Variants in TM9SF2 observed in about 807,000 individuals in gnomAD.
The protein encoded by TM9SF2 is transmembrane 9 superfamily member 2, also known as 76 kDa membrane protein.
TM9SF2 carries 13 observed loss-of-function variants against 84.9 expected under a neutral mutation model. The observed-to-expected ratio is 0.15, with a 90% CI of 0.10 to 0.24. TM9SF2 has a LOEUF of 0.24. Among genes scored for constraint, TM9SF2 ranks in the 10% least tolerant of loss-of-function variants. The probability of loss-of-function intolerance (pLI) is 1.00; values close to 1 mark genes in which losing one functional copy is unlikely to be tolerated. For missense variants in TM9SF2, 562 were observed against 818.5 expected (o/e 0.69, Z 3.82); for synonymous variants, 273 against 285.8 (o/e 0.96, Z 0.45).
At chr13:99,540,546 C>A in intron 7 of TM9SF2, 168 bp from the exon 8 acceptor site, 5 of 281,568 alleles carry the variant, frequency 1.8e-5, no homozygotes, top group South Asian at 7.5e-5. Context: ...TTCCCCTAGA[C>A]TTTAGTAAAT....
chr13:99,553,379 T>G (rs2046313550), intron 13 of TM9SF2, among the ~76,000 whole-genome samples: 1 of 152,220 alleles, frequency 6.6e-6, no homozygotes, highest in Non-Finnish European at 1.5e-5. Flanking sequence ...ATTTATGACT[T>G]TATACCTCAG....
At chr13:99,548,443 A>G (rs936706593) in intron 11 of TM9SF2, among the ~76,000 whole-genome samples, 4 of 152,174 alleles carry the variant, frequency 2.6e-5, no homozygotes, top group Non-Finnish European at 5.9e-5. Context: ...CCTATCAACT[A>G]TGTTAAAACT....
chr13:99,551,144 G>A (rs1483695823), intron 12 of TM9SF2, among the ~76,000 whole-genome samples: 1 of 152,202 alleles, frequency 6.6e-6, no homozygotes, highest in Non-Finnish European at 1.5e-5. Context: ...TCTATTCACA[G>A]AAAACCCATA....
At chr13:99,535,795 C>T (rs941536127) in intron 4 of TM9SF2, among the ~76,000 whole-genome samples, 1 of 151,960 alleles carries the variant, frequency 6.6e-6, no homozygotes, top group African/African-American at 2.4e-5. Flanking sequence ...TTATTTGTAT[C>T]CCGCAGTGTA....
chr13:99,553,006 C>G (rs2046312185), intron 13 of TM9SF2, among the ~76,000 whole-genome samples: 7 of 152,160 alleles, frequency 4.6e-5, no homozygotes, highest in Admixed American at 3.3e-4. Context: ...TATCTGCTTC[C>G]CTGCTAATAT....
chr13:99,526,186 T>C (rs1280648096), intron 3 of TM9SF2, among the ~76,000 whole-genome samples: 2 of 152,196 alleles, frequency 1.3e-5, no homozygotes, highest in Non-Finnish European at 2.9e-5. Flanking sequence ...GGAGAGCTAA[T>C]AGAGCAGGAG....
intron 3 of TM9SF2, among the ~76,000 whole-genome samples, chr13:99,522,573 G>C (rs949428592): frequency 6.6e-6 from 1 of 152,160 alleles, no homozygotes; most frequent in Non-Finnish European, 1.5e-5. Context: ...CTGTTTTCAG[G>C]CATGCTTTTT....
intron 3 of TM9SF2, among the ~76,000 whole-genome samples, chr13:99,522,780 G>T (rs1303423609): frequency 6.6e-6 from 1 of 152,186 alleles, no homozygotes; most frequent in Admixed American, 6.5e-5. Context: ...GCCCTTTGGG[G>T]CAGACTTTGA....
In TM9SF2 at chr13:99,537,922, A is replaced by G. The variant is rs944056748; in HGVS notation, c.716+59A>G. 8 of 1,544,604 alleles carry G rather than the reference A, an allele frequency of 5.2e-6. No individual in the cohort carries two copies. In the African/African-American group the frequency reaches 1.1e-4, roughly 22 times the overall value. ...TAAGTGAAATTTAGACCCAAAGAATAAGTATTTGGGGCTCAATTACTCCTT... is the reference window on the plus strand; with the variant it reads ...TAAGTGAAATTTAGACCCAAAGAATGAGTATTTGGGGCTCAATTACTCCTT... On this transcript the variant is annotated intron_variant, in intron 6 of 16. Transcript: ENST00000376387.
Position 99,552,203 on chromosome 13 carries a change from C to A in TM9SF2, c.1365C>A (p.Ile455=), listed in dbSNP as rs764429196. 2 of 1,614,110 alleles carry A rather than the reference C, an allele frequency of 1.2e-6. No individual in the cohort carries two copies. The highest frequency in any genetic ancestry group is 1.7e-6 in the Non-Finnish European group (2 of 1,180,004). Residue 455 remains isoleucine (I), a synonymous_variant, in exon 13 of 17, where the codon ATC becomes ATA. Coordinates refer to ENST00000376387, the MANE Select transcript of TM9SF2 (RefSeq NM_004800.3). ...CTGACTTCTTTATAATGAATCTGAT[C>A]CTCTGGGGAGAAGGATCTTCAGCAG... ...VFADFFIMNL[I]LWGEGSSAAI...
At chr13:99,526,436 C>T (rs1332646968) in intron 3 of TM9SF2, among the ~76,000 whole-genome samples, 2 of 152,158 alleles carry the variant, frequency 1.3e-5, no homozygotes. Flanking sequence ...GGAGTTTGAG[C>T]TTGCACAGGG....
intron 1 of TM9SF2, among the ~76,000 whole-genome samples, chr13:99,513,942 A>AG (rs2046123868): frequency 6.6e-6 from 1 of 152,212 alleles, no homozygotes; most frequent in Non-Finnish European, 1.5e-5. Flanking sequence ...CTTTACAGGA[A>AG]AAGTTTGCCA....
At chr13:99,537,523 T>A (rs1460650615) in intron 5 of TM9SF2, among the ~76,000 whole-genome samples, 1 of 152,196 alleles carries the variant, frequency 6.6e-6, no homozygotes, top group Non-Finnish European at 1.5e-5. Context: ...ACTTATTAGA[T>A]TTTATGTAAA....
chr13:99,536,696 A>G lies in TM9SF2; in HGVS notation c.550A>G (p.Ile184Val), dbSNP rs767019800. The G allele has an allele frequency of 6.2e-6, 10 of 1,613,696 alleles. No homozygotes were observed. Among genetic ancestry groups the G allele is most frequent in the Admixed American group, 5.0e-5 (3 of 59,996 alleles). Residue 184 changes from isoleucine (I) to valine (V), a missense_variant, in exon 5 of 17, where the codon ATT becomes GTT. Around this residue, in one of 4 missense-constraint regions of TM9SF2, gnomAD observed 267 missense variants for 316.7 expected, o/e 0.84. Transcript: ENST00000376387. ...TCCTGGATTTCCTATTGGCTGTTAC[A>G]TTACAGATAAAGGCCATGCAAAAGA... ...CNPGFPIGCYITDKGHAKDAC... is the reference protein window; with the variant it reads ...CNPGFPIGCYVTDKGHAKDAC...
intron 3 of TM9SF2, among the ~76,000 whole-genome samples, chr13:99,524,217 G>T (rs79622763): frequency 2.0e-5 from 3 of 152,156 alleles, no homozygotes; most frequent in East Asian, 3.8e-4. Flanking sequence ...AGAATGGACC[G>T]TGGGGGTGCG....
chr13:99,552,493 A>G (rs1283390593), intron 13 of TM9SF2, among the ~76,000 whole-genome samples, 167 bp downstream of exon 13: 1 of 152,212 alleles, frequency 6.6e-6, no homozygotes, highest in African/African-American at 2.4e-5. Context: ...AGCGTGGTAG[A>G]GAGGTTACAG....
At chr13:99,537,680 A>C in intron 5 of TM9SF2, 59 bp from the exon 6 acceptor site, 1 of 1,415,146 alleles carries the variant, frequency 7.1e-7, no homozygotes. Context: ...TTAAAGTTTT[A>C]AGTTTTGACT....
chr13:99,540,751 A>G lies in TM9SF2; in HGVS notation c.866A>G (p.Tyr289Cys). The G allele has an allele frequency of 1.2e-6, 2 of 1,613,840 alleles. No individual in the cohort carries two copies. The highest frequency in any genetic ancestry group is 1.7e-6 in the Non-Finnish European group (2 of 1,179,890). ...ATCAGATGGGCGTCTAGATGGGACT[A>G]TATTCTGGAGTCTATGCCTCATACC... ...DKIRWASRWD[Y>C]ILESMPHTHI... Residue 289 changes from tyrosine (Y) to cysteine (C), a missense_variant, in exon 8 of 17, where the codon TAT (tyrosine) becomes TGT (cysteine). By Grantham distance (194) the Tyr-to-Cys change is radical. Transcript: ENST00000376387.
chr13:99,556,108 TG>T (rs1004192766), intron 15 of TM9SF2, among the ~76,000 whole-genome samples: 3 of 152,206 alleles, frequency 2.0e-5, no homozygotes, highest in African/African-American at 7.2e-5. Context: ...AGCACCAAAA[TG>T]ATAGTATCCT....
Sources: allele counts gnomAD v4.1 joint callset (sites outside exome capture counted in the v4.1 genomes callset), GRCh38; gene constraint gnomAD v4.1.1; regional missense constraint gnomAD v4.1.1; transcripts MANE v1.5; gene names NCBI Gene and HGNC (gene_info 2026-07-23, HGNC 2026-07-21).